NUP210: variants seen among roughly 807,000 people sequenced by gnomAD.
NUP210 encodes the protein nuclear pore membrane glycoprotein 210.
A neutral mutation model predicts 196.0 loss-of-function variants in NUP210; 151 were observed. That is an observed-to-expected ratio of 0.77 (90% CI 0.67 to 0.88). The LOEUF (loss-of-function observed/expected upper bound fraction) is 0.88. Among genes scored for constraint, NUP210 ranks in the 40% least tolerant of loss-of-function variants. The probability of loss-of-function intolerance (pLI) is 0.00; values close to 1 mark genes in which losing one functional copy is unlikely to be tolerated. For synonymous variants in NUP210, 1,070 were observed against 1,052.7 expected (o/e 1.02, Z -0.32); for missense variants, 2,314 against 2,493.7 (o/e 0.93, Z 1.53).
chr3:13,322,787 G>C (rs1429059460), intron 34 of NUP210, among the ~76,000 whole-genome samples: 1 of 152,236 alleles, frequency 6.6e-6, no homozygotes, highest in Non-Finnish European at 1.5e-5. Context: ...TGATGGAACA[G>C]AGCTGCCTCG....
chr3:13,350,505 GACCCGT>G lies in NUP210; in HGVS notation c.2835+1368_2835+1373del, dbSNP rs1559322871. Among the ~76,000 whole-genome samples the G allele has an allele frequency of 1.3e-5, 2 of 151,230 alleles. No homozygotes were observed. The highest frequency in any genetic ancestry group is 3.0e-5 in the Non-Finnish European group (2 of 67,796). On this transcript the variant is annotated intron_variant, in intron 20 of 39. Coordinates refer to ENST00000254508, the MANE Select transcript of NUP210 (RefSeq NM_024923.4). This position sits in a 1 kb window ranked among gnomAD's most constrained non-coding sequence, Gnocchi z 4.1. ...AAAACAAAACAAAACAGGAAAACATGACCCGTACTCCAGAAAAAAGGCAGATGACAG... is the reference window on the plus strand; with the variant it reads ...AAAACAAAACAAAACAGGAAAACATGACTCCAGAAAAAAGGCAGATGACAG...
At chr3:13,415,296 T>C (rs1177594120) in intron 1 of NUP210, among the ~76,000 whole-genome samples, 5 of 152,282 alleles carry the variant, frequency 3.3e-5, no homozygotes, top group African/African-American at 1.2e-4. Context: ...CTCGGTGAAA[T>C]ATGTGTCGTC....
At chr3:13,377,404 C>T in intron 9 of NUP210, 52 bp downstream of exon 9, 1 of 1,350,388 alleles carries the variant, frequency 7.4e-7, no homozygotes, top group Non-Finnish European at 1.1e-6. Context: ...GCAGCCGCGT[C>T]AGACAACGAC....
At chr3:13,346,821 G>A (rs959912010) in intron 20 of NUP210, among the ~76,000 whole-genome samples, 2 of 152,214 alleles carry the variant, frequency 1.3e-5, no homozygotes, top group Non-Finnish European at 2.9e-5. Flanking sequence ...GAAGTGCCAA[G>A]CGAGTGTGCC....
At chr3:13,384,373 G>A (rs1699206840) in intron 6 of NUP210, among the ~76,000 whole-genome samples, 1 of 152,222 alleles carries the variant, frequency 6.6e-6, no homozygotes, top group East Asian at 1.9e-4. Context: ...CAACAGTTTT[G>A]TGAGCTTCAG....
chr3:13,416,631 C>G (rs924950491), intron 1 of NUP210, among the ~76,000 whole-genome samples: 1 of 152,170 alleles, frequency 6.6e-6, no homozygotes, highest in Non-Finnish European at 1.5e-5. Context: ...CAAGACAGCG[C>G]CCCCTTGCTG....
At chr3:13,410,965 T>C (rs942159138) in intron 1 of NUP210, among the ~76,000 whole-genome samples, 9 of 150,722 alleles carry the variant, frequency 6.0e-5, no homozygotes, top group Non-Finnish European at 8.9e-5. Context: ...CATGCACCTT[T>C]AGTCCCAGCA....
chr3:13,339,831 G>A (rs765962855), intron 25 of NUP210, 23 bp downstream of exon 25: 3 of 1,592,268 alleles, frequency 1.9e-6, no homozygotes, highest in African/African-American at 1.3e-5. Flanking sequence ...CAGCTGCCCA[G>A]TCTCCAATAG....
intron 3 of NUP210, among the ~76,000 whole-genome samples, chr3:13,393,933 T>C (rs1699570305): frequency 6.6e-6 from 1 of 152,118 alleles, no homozygotes; most frequent in East Asian, 1.9e-4. Context: ...TAGCAAACAT[T>C]TACCCAATGC....
chr3:13,342,973 TGAA>T (rs1380846222), intron 21 of NUP210, among the ~76,000 whole-genome samples, 199 bp downstream of exon 21: 4 of 152,326 alleles, frequency 2.6e-5, no homozygotes, highest in East Asian at 1.9e-4. Context: ...TCATCTGGGA[TGAA>T]GAAGTCCCTT....
In NUP210 at chr3:13,327,219, T is replaced by C. The variant is rs1696794554; in HGVS notation, c.4505A>G (p.Glu1502Gly). The C allele has an allele frequency of 6.2e-7, 1 of 1,612,278 alleles. No homozygotes were observed. Among genetic ancestry groups the C allele is most frequent in the Non-Finnish European group, 8.5e-7 (1 of 1,179,558 alleles). The stretch of plus-strand genomic sequence containing the variant: ...CCCTTGCTCAGGATCTATCTTACCT[T>C]CCAGGCTGGTCAGAACAGTGGCCAG... ...LCLATVLTSL[E>G]GLSGTWSSSA... The change falls in exon 32 of 40, where the codon GAA becomes GGA. Residue 1502 changes from glutamate (E) to glycine (G), a missense_variant and splice_region_variant. Transcript: ENST00000254508.
intron 35 of NUP210, 42 bp from the exon 36 acceptor site, chr3:13,321,877 C>G (rs565778880): frequency 2.8e-5 from 45 of 1,583,154 alleles, no homozygotes; most frequent in Non-Finnish European, 3.8e-5. Context: ...CTCTCCTGCC[C>G]GTGCACTGAT....
chr3:13,336,732 G>T, intron 27 of NUP210, 55 bp downstream of exon 27: 1 of 1,578,266 alleles, frequency 6.3e-7, no homozygotes, highest in Non-Finnish European at 8.6e-7. Context: ...TGCCACTCGG[G>T]GTGCTGGCCT....
chr3:13,375,807 C>A (rs74820310), intron 10 of NUP210, among the ~76,000 whole-genome samples, 166 bp from the exon 11 acceptor site: 3 of 152,294 alleles, frequency 2.0e-5, no homozygotes, highest in South Asian at 4.1e-4. Context: ...TCTTTCTCCA[C>A]GGGGATGGCT....
At chr3:13,367,779 G>A (rs1046179787) in intron 13 of NUP210, among the ~76,000 whole-genome samples, 8 of 152,190 alleles carry the variant, frequency 5.3e-5, no homozygotes, top group African/African-American at 1.7e-4. Flanking sequence ...TGATTCTGCT[G>A]CATGAATATA....
intron 16 of NUP210, among the ~76,000 whole-genome samples, chr3:13,357,553 C>T (rs1007436422): frequency 6.6e-6 from 1 of 152,180 alleles, no homozygotes; most frequent in Non-Finnish European, 1.5e-5. Context: ...GCTCACCCAC[C>T]TCCTCTGAAA....
At position 13,397,461 on chromosome 3, in the gene NUP210, G is replaced by C. The variant is rs748016636; in HGVS notation, c.332C>G (p.Ala111Gly). 24 of 1,611,494 alleles carry C rather than the reference G, an allele frequency of 1.5e-5. No individual in the cohort carries two copies. The highest frequency in any genetic ancestry group is 2.0e-5 in the Non-Finnish European group (24 of 1,179,022). Residue 111 changes from alanine (A) to glycine (G), a missense_variant, in exon 3 of 40, where the codon GCC (alanine) becomes GGC (glycine). Transcript: ENST00000254508. ...ITTGQVLRCD[A>G]IVDLIHDIQI... ...GATGTCATGGATGAGGTCCACAATGGCATCACAGCGCAGGACCTGGCCTGT... is the reference window on the plus strand; with the variant it reads ...GATGTCATGGATGAGGTCCACAATGCCATCACAGCGCAGGACCTGGCCTGT...
At chr3:13,410,558 G>C (rs1201179517) in intron 1 of NUP210, among the ~76,000 whole-genome samples, 1 of 151,272 alleles carries the variant, frequency 6.6e-6, no homozygotes, top group Non-Finnish European at 1.5e-5. Context: ...GGCCAAGGTA[G>C]GAGGATCACT....
chr3:13,360,513 G>T, intron 14 of NUP210, 22 bp from the exon 15 acceptor site: 1 of 1,581,012 alleles, frequency 6.3e-7, no homozygotes, highest in Non-Finnish European at 8.6e-7. Flanking sequence ...AGAGGCAGAA[G>T]ACTTGGCATT....
Sources: allele counts gnomAD v4.1 joint callset (sites outside exome capture counted in the v4.1 genomes callset), GRCh38; gene constraint gnomAD v4.1.1; non-coding constraint Gnocchi (gnomAD v3.1); transcripts MANE v1.5; gene names NCBI Gene and HGNC (gene_info 2026-07-23, HGNC 2026-07-21).